Variants in SEPTIN4 observed in about 807,000 individuals in gnomAD.
SEPTIN4 encodes the protein septin-4.
In SEPTIN4, 52 loss-of-function variants were observed where a neutral mutation model predicts 107.1. The ratio of observed to expected loss-of-function variants is 0.49; its 90% CI spans 0.39 to 0.61. SEPTIN4 has a LOEUF of 0.61. SEPTIN4 is among the 20% of genes least tolerant of loss of function. The probability of loss-of-function intolerance (pLI) is 0.00; values close to 1 mark genes in which losing one functional copy is unlikely to be tolerated. For synonymous variants in SEPTIN4, 417 were observed against 467.0 expected, an observed-to-expected ratio of 0.89 and a Z score of 1.38; for missense variants, 1,048 against 1,243.5, an observed-to-expected ratio of 0.84 and a Z score of 2.36.
intron 3 of SEPTIN4, among the ~76,000 whole-genome samples, chr17:58,534,552 C>A (rs1264982113): frequency 6.6e-6 from 1 of 152,242 alleles, no homozygotes; most frequent in Non-Finnish European, 1.5e-5. Context: ...CAGCAGGTGG[C>A]CTGGCCAACT....
At position 58,543,675 on chromosome 17, in the gene SEPTIN4, T is replaced by C. The variant is rs1192849937; in HGVS notation, c.512A>G (p.Gln171Arg). 2 of 1,614,222 alleles carry C rather than the reference T, an allele frequency of 1.2e-6. No individual in the cohort carries two copies. The highest frequency in any genetic ancestry group is 1.7e-6 in the Non-Finnish European group (2 of 1,180,042). Residue 171 changes from glutamine to arginine, a missense_variant, in exon 1 of 14, where the codon CAA (glutamine) becomes CGA (arginine). This residue lies in a region of SEPTIN4 where 787 missense variants were observed against 871.8 expected (regional missense o/e 0.90). Transcript: ENST00000672673. ...GGATGGTGGGTCATCTTCTAAGATT[T>C]GTGATTGTAAGTTATTCTTCTGGTC... The part of the protein sequence containing the change: ...FQDQKNNLQS[Q>R]ILEDDPPSKV...
chr17:58,541,650 A>G, intron 2 of SEPTIN4: 1 of 904,724 alleles, frequency 1.1e-6, no homozygotes, highest in Non-Finnish European at 1.6e-6. Context: ...ACTAAGCTGA[A>G]AAGGCCATGA....
chr17:58,521,904 T>C lies in SEPTIN4; in HGVS notation c.2352-51A>G, dbSNP rs750334398. 4 of 1,614,236 alleles carry C rather than the reference T, an allele frequency of 2.5e-6. No individual in the cohort carries two copies. The Admixed American group carries it at 6.7e-5, about 27-fold the overall frequency. On this transcript the variant is annotated intron_variant, in intron 8 of 13. Coordinates refer to ENST00000672673, the MANE Select transcript of SEPTIN4 (RefSeq NM_001368771.2). The surrounding 1 kb of genome is among the most constrained non-coding windows in gnomAD (Gnocchi z 6.4). ...CTGCTAGTGGCAGCCCTGCCCCTGG[T>C]GCTCTTGGCCTGTTCCCTTGACAGC...
In SEPTIN4 at chr17:58,521,140, C is replaced by T. The variant is rs1454200845; in HGVS notation, c.2689G>A (p.Asp897Asn). The change falls in exon 12 of 14, where the codon GAC (aspartate) becomes AAC (asparagine). Residue 897 changes from aspartate to asparagine, a missense_variant. By Grantham distance (23) the Asp-to-Asn change is conservative (BLOSUM62 1). Coordinates refer to ENST00000672673, the MANE Select transcript of SEPTIN4 (RefSeq NM_001368771.2). The surrounding 1 kb of genome is among the most constrained non-coding windows in gnomAD (Gnocchi z 6.4). ...IVEVENPGHC[D>N]FVKLRTMLVR... The stretch of plus-strand genomic sequence containing the variant: ...AGCATTGTCCTCAGCTTCACAAAGT[C>T]GCAGTGCCCTGGGTTTTCCACTGCA... 3 of 1,614,056 alleles carry T rather than the reference C, an allele frequency of 1.9e-6. No homozygotes were observed. Among genetic ancestry groups the T allele is most frequent in the African/African-American group, 1.3e-5 (1 of 74,906 alleles).
In SEPTIN4 at chr17:58,543,122, C is replaced by A. The variant is rs1427937315; in HGVS notation, c.1065G>T (p.Val355=). The A allele has an allele frequency of 6.2e-7, 1 of 1,612,318 alleles. No individual in the cohort carries two copies. Among genetic ancestry groups the A allele is most frequent in the Admixed American group, 1.7e-5 (1 of 59,916 alleles). ...TGGATGACTTGTGGGAGCCCTCAGA[C>A]ACTGATGGAACTGTCACATGGTGAG... ...EPTHHVTVPS[V]SEGSHKSSMF... is the part of the protein sequence containing the mutation. Residue 355 remains valine (V), a synonymous_variant, in exon 1 of 14, where the codon GTG becomes GTT. Coordinates refer to ENST00000672673, the MANE Select transcript of SEPTIN4 (RefSeq NM_001368771.2).
At position 58,543,196 on chromosome 17, in the gene SEPTIN4, C is replaced by A; in HGVS notation, c.991G>T (p.Val331Phe). The A allele has an allele frequency of 6.2e-7, 1 of 1,614,096 alleles. No homozygotes were observed. Among genetic ancestry groups the A allele is most frequent in the African/African-American group, 1.3e-5 (1 of 75,002 alleles). Residue 331 changes from valine to phenylalanine, a missense_variant, in exon 1 of 14, where the codon GTT becomes TTT. This residue lies in a region of SEPTIN4 where 787 missense variants were observed against 871.8 expected (regional missense o/e 0.90). Transcript: ENST00000672673. Reference protein sequence around the residue: ...VRTPIRGNSEVGRRVTISPGV... With the variant: ...VRTPIRGNSEFGRRVTISPGV... ...GGGGAGATGGTGACCCTGCGGCCAA[C>A]CTCGCTGTTTCCTCGGATTGGGGTC...
Position 58,526,210 on chromosome 17 carries a change from C to T in SEPTIN4, c.2005+10G>A. The T allele has an allele frequency of 6.3e-7, 1 of 1,583,364 alleles. No homozygotes were observed. On this transcript the variant is annotated intron_variant, in intron 5 of 13. Coordinates refer to ENST00000672673, the MANE Select transcript of SEPTIN4 (RefSeq NM_001368771.2). Reference sequence around the variant, plus strand: ...ACACCCTGCCCAACCCAGCCCTGCCCCTTTTTTACCTGCCACCATGAGGGT... The same window carrying T: ...ACACCCTGCCCAACCCAGCCCTGCCTCTTTTTTACCTGCCACCATGAGGGT...
At chr17:58,527,134 G>C in intron 3 of SEPTIN4, 156 bp from the exon 4 acceptor site, 4 of 1,233,504 alleles carry the variant, frequency 3.2e-6, no homozygotes, top group Non-Finnish European at 4.7e-6. Context: ...GACAGAGGAA[G>C]TGCTCACCAT....
rs2144013410 is a variant in SEPTIN4 at position 58,521,889 on chromosome 17, C to T, written c.2352-36G>A. ...GGAACCTGTGACCACCTGCTAGTGGCAGCCCTGCCCCTGGTGCTCTTGGCC... is the reference window on the plus strand; with the variant it reads ...GGAACCTGTGACCACCTGCTAGTGGTAGCCCTGCCCCTGGTGCTCTTGGCC... On this transcript the variant is annotated intron_variant, in intron 8 of 13. Transcript: ENST00000672673. This position sits in a 1 kb window ranked among gnomAD's most constrained non-coding sequence, Gnocchi z 6.4. 6.2e-7 allele frequency: 1 copy of T among 1,614,178 alleles called. No individual in the cohort carries two copies. Among genetic ancestry groups the T allele is most frequent in the East Asian group, 2.2e-5 (1 of 44,886 alleles).
rs750384020 is a variant in SEPTIN4, at chr17:58,525,619, A to G, written c.2092+76T>C. ...CCATGGTTTCCTGCATGTGGGGGAG[A>G]GCCCCATCCCCCAGACTCTGGAGTG... On this transcript the variant is annotated intron_variant, in intron 6 of 13. Transcript: ENST00000672673. 635 of 1,292,540 alleles carry G rather than the reference A, an allele frequency of 4.9e-4. 1 individual carries two copies. The highest frequency in any genetic ancestry group is 5.2e-4 in the Non-Finnish European group (459 of 890,820). The allele number at this position is 1,292,540 out of a possible 1,614,324, so 80.1% of individuals were successfully genotyped here.
chr17:58,527,893 G>A (rs1186322145), intron 3 of SEPTIN4: 2 of 985,720 alleles, frequency 2.0e-6, no homozygotes, highest in Non-Finnish European at 2.4e-6. Context: ...GGGAGTGGAA[G>A]GCAGAGAATG....
intron 7 of SEPTIN4, 80 bp downstream of exon 7, chr17:58,524,998 T>C: frequency 6.3e-7 from 1 of 1,582,100 alleles, no homozygotes; most frequent in Non-Finnish European, 8.6e-7. Flanking sequence ...TAAGTATGGA[T>C]ATATCTGGGC....
rs1168411693 is a variant in SEPTIN4, at chr17:58,532,112, C to G, written c.1615-5134G>C. The G allele has an allele frequency of 2.9e-5, 31 of 1,057,080 alleles. No homozygotes were observed. The African/African-American group carries it at 5.1e-4, about 17-fold the overall frequency. 65.5% of individuals were successfully genotyped at this position (1,057,080 alleles called of 1,614,324 possible). On this transcript the variant is annotated intron_variant, in intron 3 of 13. Transcript: ENST00000672673. ...GAGGGGCCCGGCGGCGGGGGCGGAG[C>G]GAGTCGGCCCCGGGGCGGGGCCTGT... is the stretch of plus-strand genomic sequence containing the variant.
rs192158241 is a variant in SEPTIN4, at chr17:58,538,087, A to T, written c.1614+2579T>A. On this transcript the variant is annotated intron_variant, in intron 3 of 13. Transcript: ENST00000672673. The surrounding 1 kb of genome is among the most constrained non-coding windows in gnomAD (Gnocchi z 4.7). ...TCCAACCTGGGCAACAGAACACTTT[A>T]AAAAAAAGCGAGGGAGGGTTCCTTT... 4.7e-4 allele frequency among the ~76,000 whole-genome samples: 72 copies of T among 152,076 alleles called. No individual in the cohort carries two copies. Among genetic ancestry groups the T allele is most frequent in the Non-Finnish European group, 9.6e-4 (65 of 67,946 alleles).
intron 3 of SEPTIN4, chr17:58,531,866 G>A: frequency 9.4e-7 from 1 of 1,066,738 alleles, no homozygotes; most frequent in Non-Finnish European, 1.1e-6. Context: ...AGCCGCGGCT[G>A]CGGTGCCGCG....
intron 1 of SEPTIN4, 104 bp from the exon 2 acceptor site, chr17:58,542,070 A>C: frequency 2.2e-6 from 3 of 1,359,378 alleles, no homozygotes; most frequent in Non-Finnish European, 2.0e-6. Context: ...TCTCCACTCA[A>C]AGGTGCCCTC....
intron 1 of SEPTIN4, 139 bp downstream of exon 1, chr17:58,542,487 C>G: frequency 8.2e-7 from 1 of 1,214,194 alleles, no homozygotes; most frequent in African/African-American, 1.5e-5. Context: ...GAGCAATAGG[C>G]TCAAGGATAG....
rs780757307 is a variant in SEPTIN4 at position 58,525,013 on chromosome 17, G to A, written c.2216+65C>T. The A allele has an allele frequency of 2.1e-5, 34 of 1,605,840 alleles. No individual in the cohort carries two copies. The Admixed American group carries it at 2.5e-4, about 12-fold the overall frequency. On this transcript the variant is annotated intron_variant, in intron 7 of 13. Transcript: ENST00000672673. ...TAAGTATGGATATATCTGGGCCTAC[G>A]TGTGTACCTGTGTATGGAGAAGGGT...
At position 58,521,092 on chromosome 17, in the gene SEPTIN4, G is replaced by T; in HGVS notation, c.2737C>A (p.Leu913Met). The stretch of plus-strand genomic sequence containing the variant: ...TGTGTCTCCCGTGTCACATCCTTCA[G>T]GTCCTGCATGTGGGTACGTACCAGC... ...TMLVRTHMQD[L>M]KDVTRETHYE... is the part of the protein sequence containing the mutation. Residue 913 changes from leucine to methionine, a missense_variant, in exon 12 of 14, where the codon CTG becomes ATG. Physicochemically the swap from Leu to Met is conservative, Grantham distance 15. Around this residue, in one of 2 missense-constraint regions of SEPTIN4, gnomAD observed 261 missense variants for 371.7 expected, o/e 0.70. Coordinates refer to ENST00000672673, the MANE Select transcript of SEPTIN4 (RefSeq NM_001368771.2). The surrounding 1 kb of genome is among the most constrained non-coding windows in gnomAD (Gnocchi z 6.4). 1 of 1,614,172 alleles carries T rather than the reference G, an allele frequency of 6.2e-7. No individual in the cohort carries two copies. The highest frequency in any genetic ancestry group is 8.5e-7 in the Non-Finnish European group (1 of 1,180,030).
Sources: gnomAD v4.1 joint callset for allele counts (sites outside exome capture counted in the v4.1 genomes callset) on GRCh38, gnomAD v4.1.1 for gene constraint, gnomAD v4.1.1 regional missense constraint, Gnocchi (gnomAD v3.1) non-coding constraint, MANE v1.5 for transcripts, NCBI Gene and HGNC (gene_info 2026-07-23, HGNC 2026-07-21) for gene names.